The following UNC5D variants were observed in gnomAD, a reference collection of about 807,000 sequenced individuals.
UNC5D encodes netrin receptor UNC5D.
A neutral mutation model predicts 105.4 loss-of-function variants in UNC5D; 39 were observed. The observed-to-expected ratio is 0.37, with a 90% CI of 0.29 to 0.48. The LOEUF is 0.48. Among genes scored for constraint, UNC5D ranks in the 20% least tolerant of loss-of-function variants. The pLI is 0.98. For synonymous variants in UNC5D, 452 were observed against 450.4 expected (o/e 1.00, Z -0.04); for missense variants, 991 against 1,202.4 (o/e 0.82, Z 2.60).
At chr8:35,770,034 AC>A (rs1030121571) in intron 15 of UNC5D, among the ~76,000 whole-genome samples, 100 of 152,264 alleles carry the variant, frequency 6.6e-4, no homozygotes, top group African/African-American at 2.4e-3. Context: ...AAAAGTGAAG[AC>A]GCAAAAAGTG....
chr8:35,457,781 C>T (rs573107158), intron 1 of UNC5D, among the ~76,000 whole-genome samples: 11 of 152,202 alleles, frequency 7.2e-5, no homozygotes, highest in East Asian at 3.9e-4. Context: ...AGCATCTGCT[C>T]GAGGACACTA....
At chr8:35,235,972 G>A (rs1802429582) in intron 1 of UNC5D, 85 bp downstream of exon 1, 1 of 1,158,410 alleles carries the variant, frequency 8.6e-7, no homozygotes. Context: ...GATGGCGTTG[G>A]CTTCCCAACT....
chr8:35,599,700 G>T (rs999558390), intron 4 of UNC5D, among the ~76,000 whole-genome samples: 1 of 152,078 alleles, frequency 6.6e-6, no homozygotes, highest in African/African-American at 2.4e-5. Context: ...GGTACTAACA[G>T]GTGAAGAAAA....
intron 1 of UNC5D, among the ~76,000 whole-genome samples, chr8:35,240,610 A>G (rs1046018644): frequency 1.3e-5 from 2 of 152,180 alleles, no homozygotes; most frequent in African/African-American, 2.4e-5. Context: ...AGCTTGCCCA[A>G]GGCCATGGAG....
intron 2 of UNC5D, among the ~76,000 whole-genome samples, chr8:35,567,045 G>A (rs1817392490): frequency 1.3e-5 from 2 of 149,050 alleles, no homozygotes; most frequent in East Asian, 2.0e-4. Flanking sequence ...CAGACAATTT[G>A]TTTAATTTTA....
chr8:35,486,156 A>G (rs1252451764), intron 1 of UNC5D, among the ~76,000 whole-genome samples: 1 of 152,214 alleles, frequency 6.6e-6, no homozygotes, highest in African/African-American at 2.4e-5. Context: ...TGTTTTAAAT[A>G]TGGGAAATAT....
At chr8:35,617,087 AC>A (rs998092004) in intron 4 of UNC5D, among the ~76,000 whole-genome samples, 3 of 151,932 alleles carry the variant, frequency 2.0e-5, no homozygotes, top group South Asian at 2.1e-4. Flanking sequence ...ACCACACACC[AC>A]CCCGATTCAC....
At chr8:35,592,462 G>C (rs1249952255) in intron 3 of UNC5D, among the ~76,000 whole-genome samples, 1 of 152,136 alleles carries the variant, frequency 6.6e-6, no homozygotes, top group Non-Finnish European at 1.5e-5. Context: ...AGCTCATATA[G>C]GTGATTAAAG....
intron 1 of UNC5D, among the ~76,000 whole-genome samples, chr8:35,507,093 T>G (rs1215622486): frequency 8.0e-5 from 11 of 137,402 alleles, no homozygotes; most frequent in African/African-American, 1.1e-4. Context: ...TCTCGCTCTG[T>G]CGCCCAGGCT....
intron 8 of UNC5D, among the ~76,000 whole-genome samples, chr8:35,707,598 A>G (rs1827668429): frequency 6.6e-6 from 1 of 152,184 alleles, no homozygotes; most frequent in African/African-American, 2.4e-5. Flanking sequence ...TCCCGGCCAC[A>G]TGGTGCATGC....
At chr8:35,670,767 A>C (rs1351501187) in intron 4 of UNC5D, among the ~76,000 whole-genome samples, 1 of 149,340 alleles carries the variant, frequency 6.7e-6, no homozygotes, top group African/African-American at 2.4e-5. Context: ...CATGTGGGCC[A>C]TAAAACCTTG....
At chr8:35,327,117 G>C (rs997162758) in intron 1 of UNC5D, among the ~76,000 whole-genome samples, 6 of 152,110 alleles carry the variant, frequency 3.9e-5, no homozygotes, top group Non-Finnish European at 8.8e-5. Flanking sequence ...GTGCCTTGGC[G>C]GAAAGATGAA....
intron 1 of UNC5D, among the ~76,000 whole-genome samples, chr8:35,398,807 T>G (rs987336740): frequency 6.6e-6 from 1 of 152,156 alleles, no homozygotes; most frequent in Admixed American, 6.6e-5. Flanking sequence ...TACTTCAAAT[T>G]TCATTTCATT....
chr8:35,506,097 A>T (rs1174448464), intron 1 of UNC5D, among the ~76,000 whole-genome samples: 1 of 152,158 alleles, frequency 6.6e-6, no homozygotes, highest in Non-Finnish European at 1.5e-5. Flanking sequence ...TTATTATTTG[A>T]TGGAAAGTAG....
chr8:35,661,027 G>C (rs1409062097), intron 4 of UNC5D, among the ~76,000 whole-genome samples: 2 of 152,020 alleles, frequency 1.3e-5, no homozygotes, highest in East Asian at 3.9e-4. Flanking sequence ...GAGCCCAGGG[G>C]TTCAAGCCTG....
chr8:35,421,458 A>G (rs1385520593), intron 1 of UNC5D, among the ~76,000 whole-genome samples: 1 of 152,260 alleles, frequency 6.6e-6, no homozygotes, highest in Non-Finnish European at 1.5e-5. Context: ...TAACAAACAT[A>G]TACCAGATTC....
chr8:35,343,592 G>A (rs1034138821), intron 1 of UNC5D, among the ~76,000 whole-genome samples: 7 of 151,946 alleles, frequency 4.6e-5, no homozygotes, highest in Non-Finnish European at 1.0e-4. Context: ...TCCCCATTTG[G>A]CATTTTCTTT....
At chr8:35,273,655 G>A (rs533501240) in intron 1 of UNC5D, among the ~76,000 whole-genome samples, 15 of 152,252 alleles carry the variant, frequency 9.9e-5, no homozygotes, top group African/African-American at 3.6e-4. Context: ...TGAAACTCAG[G>A]AAAAAGATAC....
chr8:35,404,430 G>A (rs1212118356), intron 1 of UNC5D, among the ~76,000 whole-genome samples: 2 of 152,100 alleles, frequency 1.3e-5, no homozygotes, highest in Non-Finnish European at 2.9e-5. Context: ...AGAAGGTTTG[G>A]GTTCAAATGC....
Sources: gnomAD v4.1 joint callset for allele counts (sites outside exome capture counted in the v4.1 genomes callset) on GRCh38, gnomAD v4.1.1 for gene constraint, MANE v1.5 for transcripts, NCBI Gene and HGNC (gene_info 2026-07-23, HGNC 2026-07-21) for gene names.